The following NMBR variants were observed in gnomAD, a reference collection of about 807,000 sequenced individuals.
NMBR encodes the protein neuromedin-B receptor.
A neutral mutation model predicts 20.5 loss-of-function variants in NMBR; 16 were observed. The observed-to-expected ratio is 0.78, with a 90% CI of 0.53 to 1.19. The LOEUF is 1.19. Ranked by LOEUF, NMBR falls within the 50% of genes most tolerant of loss-of-function variation. The probability of loss-of-function intolerance (pLI) is 0.00; values close to 1 mark genes in which losing one functional copy is unlikely to be tolerated. For missense variants in NMBR, 582 were observed against 499.1 expected, an observed-to-expected ratio of 1.17 and a Z score of -1.58; for synonymous variants, 212 against 196.6, an observed-to-expected ratio of 1.08 and a Z score of -0.65.
intron 1 of NMBR, among the ~76,000 whole-genome samples, chr6:142,111,757 G>A (rs994295276): frequency 2.0e-5 from 3 of 152,150 alleles, no homozygotes; most frequent in Non-Finnish European, 4.4e-5. Context: ...ACCAGAGAAC[G>A]TGCATCAGTA....
chr6:142,102,234 C>T (rs1777578285), intron 1 of NMBR, among the ~76,000 whole-genome samples: 2 of 151,636 alleles, frequency 1.3e-5, no homozygotes, highest in South Asian at 2.1e-4. Flanking sequence ...TAAAAAAATA[C>T]AAAAAATTAG....
At chr6:142,097,664 A>G (rs1013943160) in intron 1 of NMBR, among the ~76,000 whole-genome samples, 1 of 152,122 alleles carries the variant, frequency 6.6e-6, no homozygotes, top group Non-Finnish European at 1.5e-5. Flanking sequence ...TCTGGCTGAC[A>G]TGCACTTGGA....
intron 1 of NMBR, among the ~76,000 whole-genome samples, chr6:142,125,059 G>A (rs1778006308): frequency 6.6e-6 from 1 of 151,826 alleles, no homozygotes; most frequent in Non-Finnish European, 1.5e-5. Flanking sequence ...AATTTTGGCA[G>A]GTCAGAGATT....
intron 1 of NMBR, among the ~76,000 whole-genome samples, chr6:142,136,318 C>A (rs1372573464): frequency 3.3e-5 from 5 of 152,064 alleles, no homozygotes; most frequent in Non-Finnish European, 5.9e-5. Context: ...TTGTTCATAT[C>A]CTTTGCCCAC....
chr6:142,081,131 A>C (rs948715349), intron 2 of NMBR, among the ~76,000 whole-genome samples: 18 of 152,122 alleles, frequency 1.2e-4, no homozygotes, highest in African/African-American at 4.1e-4. Context: ...GTTTATTCAA[A>C]TGGTGGAAGG....
intron 1 of NMBR, chr6:142,134,655 ACT>A (rs1303455880): frequency 4.3e-6 from 3 of 695,506 alleles, no homozygotes; most frequent in Admixed American, 2.1e-5. Context: ...TAATTTATAT[ACT>A]CTCTGTTTTA....
In NMBR at chr6:142,078,961, GAAAAGAAAGAAAGA is replaced by G. The variant is rs1296820982; in HGVS notation, c.423-72_423-59del. ...AAAGAAAGGAAAGAAAAAAGAGAAA[GAAAAGAAAGAAAGA>G]AAAAGAAAGGAAGAAAGGGAGAGAG... On this transcript the variant is annotated intron_variant, in intron 2 of 3. Transcript: ENST00000258042. 7.1e-5 allele frequency: 78 copies of G among 1,104,050 alleles called. No homozygotes were observed. In the African/African-American group the frequency reaches 1.2e-3, roughly 18 times the overall value. The allele number at this position is 1,104,050 out of a possible 1,614,324, so 68.4% of individuals were successfully genotyped here.
intron 2 of NMBR, among the ~76,000 whole-genome samples, chr6:142,079,543 A>G (rs1272111966): frequency 6.6e-6 from 1 of 152,226 alleles, no homozygotes; most frequent in East Asian, 1.9e-4. Context: ...AGATATTCAC[A>G]AAATAATATT....
chr6:142,105,430 T>A (rs563026815), intron 1 of NMBR, among the ~76,000 whole-genome samples: 5 of 152,294 alleles, frequency 3.3e-5, no homozygotes, highest in African/African-American at 1.2e-4. Flanking sequence ...CTTATTTTAA[T>A]AAAACCTGTA....
intron 2 of NMBR, among the ~76,000 whole-genome samples, chr6:142,080,547 A>C (rs1435812905): frequency 6.6e-6 from 1 of 151,962 alleles, no homozygotes; most frequent in Non-Finnish European, 1.5e-5. Context: ...TCCTGGGCTC[A>C]AGTGATCTGC....
chr6:142,141,900 G>C (rs1778368773), intron 1 of NMBR, among the ~76,000 whole-genome samples: 1 of 151,994 alleles, frequency 6.6e-6, no homozygotes, highest in Admixed American at 6.5e-5. Context: ...AAAGACAATA[G>C]AGAAAATCAA....
intron 1 of NMBR, chr6:142,133,809 T>A: frequency 1.7e-6 from 1 of 600,460 alleles, no homozygotes; most frequent in Non-Finnish European, 3.0e-6. Flanking sequence ...TCCTTTAATG[T>A]TTGTGTTTAA....
chr6:142,139,558 G>A (rs183660785), intron 1 of NMBR, among the ~76,000 whole-genome samples: 27 of 152,198 alleles, frequency 1.8e-4, no homozygotes, highest in African/African-American at 5.5e-4. Flanking sequence ...CAACTTCCTC[G>A]GCCTCCCTGA....
At chr6:142,080,141 G>C (rs1193087967) in intron 2 of NMBR, among the ~76,000 whole-genome samples, 1 of 151,710 alleles carries the variant, frequency 6.6e-6, no homozygotes, top group Non-Finnish European at 1.5e-5. Flanking sequence ...CCTTCTTCTT[G>C]ATTTTAATTT....
intron 1 of NMBR, among the ~76,000 whole-genome samples, chr6:142,136,870 C>T (rs914904359): frequency 2.0e-5 from 3 of 152,120 alleles, no homozygotes; most frequent in Non-Finnish European, 4.4e-5. Flanking sequence ...TGTTTTGGTA[C>T]CAGTACCATG....
chr6:142,120,575 C>T (rs2842762), intron 1 of NMBR, among the ~76,000 whole-genome samples: 4,448 of 151,992 alleles, frequency 0.029, 84 homozygotes, highest in Middle Eastern at 0.096. Flanking sequence ...CACTTAAAAA[C>T]ATTTGAAATA....
chr6:142,122,390 TCAC>T (rs1236122087), intron 1 of NMBR, among the ~76,000 whole-genome samples: 1 of 151,930 alleles, frequency 6.6e-6, no homozygotes, highest in Non-Finnish European at 1.5e-5. Flanking sequence ...AGATGGTATA[TCAC>T]CATACCATAT....
At chr6:142,093,276 A>G (rs1777370584) in intron 1 of NMBR, among the ~76,000 whole-genome samples, 2 of 147,214 alleles carry the variant, frequency 1.4e-5, no homozygotes. Flanking sequence ...AGCATTAGGT[A>G]TATCTCCTAA....
chr6:142,104,706 A>G (rs978340859), intron 1 of NMBR, among the ~76,000 whole-genome samples: 11 of 152,300 alleles, frequency 7.2e-5, no homozygotes, highest in Middle Eastern at 6.8e-3. Context: ...GACAGAATCT[A>G]TCTCTTCTTC....
Sources: allele counts gnomAD v4.1 joint callset (sites outside exome capture counted in the v4.1 genomes callset), GRCh38; gene constraint gnomAD v4.1.1; transcripts MANE v1.5; gene names NCBI Gene and HGNC (gene_info 2026-07-23, HGNC 2026-07-21).